VPS13D: variants seen among roughly 807,000 people sequenced by gnomAD.
VPS13D encodes the protein vacuolar protein sorting 13 homolog D.
Under a neutral mutation model 461.9 loss-of-function variants are expected in VPS13D, and 187 were observed. The ratio of observed to expected loss-of-function variants is 0.40; its 90% CI spans 0.36 to 0.46. The LOEUF (loss-of-function observed/expected upper bound fraction) is 0.46, where lower values mean the gene tolerates loss of function less well. Ranked by LOEUF, VPS13D falls within the 20% of genes least tolerant of loss-of-function variation. The probability of loss-of-function intolerance (pLI) is 0.60; values close to 1 mark genes in which losing one functional copy is unlikely to be tolerated. For synonymous variants in VPS13D, 1,951 were observed against 1,986.3 expected (o/e 0.98, Z 0.47); for missense variants, 4,711 against 5,364.9 (o/e 0.88, Z 3.81).
At chr1:12,440,424 T>A (rs936292678) in intron 65 of VPS13D, among the ~76,000 whole-genome samples, 2 of 152,128 alleles carry the variant, frequency 1.3e-5, no homozygotes, top group East Asian at 3.9e-4. Flanking sequence ...CAGGCTTTTT[T>A]AAGGTTGTGT....
chr1:12,368,350 T>G lies in VPS13D; in HGVS notation c.10449-118T>G, dbSNP rs958454257. ...GGAGGAACACACAGTGGGCTGTAAG[T>G]TCAGTGGTATTGACTGAGGCCCAAA... On this transcript the variant is annotated intron_variant, in intron 52 of 69. Coordinates refer to ENST00000620676, the MANE Select transcript of VPS13D (RefSeq NM_015378.4). The G allele has an allele frequency of 4.1e-5, 50 of 1,223,250 alleles. No individual in the cohort carries two copies. In the African/African-American group the frequency reaches 6.4e-4, roughly 16 times the overall value. The allele number at this position is 1,223,250 out of a possible 1,614,324, so 75.8% of individuals were successfully genotyped here.
intron 2 of VPS13D, 88 bp downstream of exon 2, chr1:12,234,451 A>G (rs1640083795): frequency 1.9e-6 from 2 of 1,079,868 alleles, no homozygotes; most frequent in Non-Finnish European, 2.7e-6. Context: ...CATAAAACCT[A>G]ATGCCCAGAT....
chr1:12,329,356 G>A (rs753012363), intron 36 of VPS13D, among the ~76,000 whole-genome samples: 1 of 152,114 alleles, frequency 6.6e-6, no homozygotes, highest in Non-Finnish European at 1.5e-5. Context: ...TGGGATTACA[G>A]GCGCCCGCTA....
Position 12,385,319 on chromosome 1 carries a change from C to G in VPS13D, c.11430C>G (p.Val3810=), listed in dbSNP as rs1371299184. Residue 3810 remains valine, a synonymous_variant, in exon 59 of 70, where the codon GTC becomes GTG. Coordinates refer to ENST00000620676, the MANE Select transcript of VPS13D (RefSeq NM_015378.4). The part of the protein sequence containing the change: ...SRSYEVDELP[V]TEQELQKLKN... ...CATATGAAGTGGATGAACTTCCTGT[C>G]ACCGAACAAGAGCTGCAGAAATTAA... 6.2e-7 allele frequency: 1 copy of G among 1,613,980 alleles called. No individual in the cohort carries two copies.
At chr1:12,340,037 C>T (rs1203992161) in intron 40 of VPS13D, among the ~76,000 whole-genome samples, 1 of 152,176 alleles carries the variant, frequency 6.6e-6, no homozygotes. Flanking sequence ...GCAGCTCTCT[C>T]ATTGCACTCA....
At chr1:12,400,996 ACACACAC>A (rs1644571626) in intron 61 of VPS13D, among the ~76,000 whole-genome samples, 6 of 151,854 alleles carry the variant, frequency 4.0e-5, no homozygotes, top group African/African-American at 1.5e-4. Flanking sequence ...ACACACACAC[ACACACAC>A]AATAACCCTG....
At chr1:12,408,368 C>G (rs916107188) in intron 63 of VPS13D, among the ~76,000 whole-genome samples, 1 of 151,854 alleles carries the variant, frequency 6.6e-6, no homozygotes, top group Admixed American at 6.6e-5. Context: ...TGATGTTGGA[C>G]TTTTTTGCGG....
intron 63 of VPS13D, among the ~76,000 whole-genome samples, chr1:12,414,542 A>G (rs1054273498): frequency 6.6e-5 from 10 of 152,164 alleles, no homozygotes; most frequent in African/African-American, 2.2e-4. Flanking sequence ...TTCCATTTAT[A>G]TGCAGTTTAA....
At chr1:12,310,432 G>T (rs766503014) in intron 27 of VPS13D, among the ~76,000 whole-genome samples, 3 of 152,180 alleles carry the variant, frequency 2.0e-5, no homozygotes, top group Non-Finnish European at 2.9e-5. Flanking sequence ...ACAATGCCCA[G>T]TTCACCCATG....
chr1:12,275,383 C>T (rs1569771290), intron 18 of VPS13D, among the ~76,000 whole-genome samples: 1 of 152,130 alleles, frequency 6.6e-6, no homozygotes, highest in African/African-American at 2.4e-5. Flanking sequence ...CCATTGCACT[C>T]CAGCCTGGGT....
In VPS13D at chr1:12,249,212, T is replaced by C; in HGVS notation, c.448-11T>C. On this transcript the variant is annotated splice_polypyrimidine_tract_variant and intron_variant, in intron 5 of 69. Transcript: ENST00000620676. ...GGTGCATCAGCTGCTTTTTCTTTTT[T>C]CTCTTTGCAGTTAAAAATTCAAGAT... The C allele has an allele frequency of 6.2e-7, 1 of 1,603,790 alleles. No individual in the cohort carries two copies. Among genetic ancestry groups the C allele is most frequent in the Non-Finnish European group, 8.5e-7 (1 of 1,173,944 alleles).
chr1:12,326,233 G>A (rs1297726991), intron 35 of VPS13D, among the ~76,000 whole-genome samples: 2 of 88,986 alleles, frequency 2.2e-5, no homozygotes, highest in East Asian at 7.2e-4. Flanking sequence ...ACCCCTTAAT[G>A]TTTACTTTTC....
intron 67 of VPS13D, among the ~76,000 whole-genome samples, chr1:12,487,760 GCCTCC>G (rs1373578957): frequency 3.3e-5 from 5 of 152,084 alleles, no homozygotes; most frequent in Admixed American, 1.3e-4. Context: ...TAGGACACAC[GCCTCC>G]CCCACTTCAG....
At chr1:12,353,319 G>T (rs1400302309) in intron 46 of VPS13D, among the ~76,000 whole-genome samples, 1 of 151,946 alleles carries the variant, frequency 6.6e-6, no homozygotes, top group Non-Finnish European at 1.5e-5. Context: ...AGATCACGAG[G>T]TCAGGAGATC....
chr1:12,283,479 G>C lies in VPS13D; in HGVS notation c.5377G>C (p.Asp1793His). 1 of 1,614,256 alleles carries C rather than the reference G, an allele frequency of 6.2e-7. No individual in the cohort carries two copies. Among genetic ancestry groups the C allele is most frequent in the South Asian group, 1.1e-5 (1 of 91,086 alleles). Residue 1793 changes from aspartate to histidine, a missense_variant, in exon 21 of 70, where the codon GAT becomes CAT. Transcript: ENST00000620676. ...AGTCCACATCAACATATTCTTGGTA[G>C]ATAAGAAACATCCAGAATTCTCTTC... ...SLVHINIFLV[D>H]KKHPEFSSSY... is the part of the protein sequence containing the mutation.
intron 67 of VPS13D, 172 bp from the exon 68 acceptor site, chr1:12,497,328 G>A: frequency 1.5e-6 from 1 of 652,348 alleles, no homozygotes; most frequent in Non-Finnish European, 2.3e-6. Context: ...GTCAAATGAG[G>A]GTCTTTAACC....
intron 67 of VPS13D, among the ~76,000 whole-genome samples, chr1:12,463,885 G>A (rs374029893): frequency 3.2e-4 from 48 of 152,170 alleles, no homozygotes; most frequent in African/African-American, 1.2e-3. Flanking sequence ...TCTATAAAGT[G>A]GGGATAAATT....
chr1:12,331,087 A>G (rs1643319076), intron 37 of VPS13D, among the ~76,000 whole-genome samples: 1 of 152,232 alleles, frequency 6.6e-6, no homozygotes, highest in Non-Finnish European at 1.5e-5. Flanking sequence ...TTCCCATTTG[A>G]AAGACCAAGG....
chr1:12,472,540 A>G (rs1281175555), intron 67 of VPS13D, among the ~76,000 whole-genome samples: 1 of 151,712 alleles, frequency 6.6e-6, no homozygotes, highest in African/African-American at 2.4e-5. Flanking sequence ...TGTGGCTTCC[A>G]CTCCCTCAAG....
Sources: allele counts gnomAD v4.1 joint callset (sites outside exome capture counted in the v4.1 genomes callset), GRCh38; gene constraint gnomAD v4.1.1; transcripts MANE v1.5; gene names NCBI Gene and HGNC (gene_info 2026-07-23, HGNC 2026-07-21).